NELL2: variants seen among roughly 807,000 people sequenced by gnomAD.
The protein encoded by NELL2 is protein kinase C-binding protein NELL2.
NELL2 carries 41 observed loss-of-function variants against 109.6 expected under a neutral mutation model. The observed-to-expected ratio is 0.37, with a 90% CI of 0.29 to 0.49. NELL2 has a LOEUF of 0.49. NELL2 is among the 20% of genes least tolerant of loss of function. The pLI is 0.98. For missense variants in NELL2, 900 were observed against 1,008.3 expected (o/e 0.89, Z 1.45); for synonymous variants, 355 against 344.7 (o/e 1.03, Z -0.33).
At chr12:44,543,895 T>A (rs1218761831) in intron 15 of NELL2, among the ~76,000 whole-genome samples, 1 of 152,138 alleles carries the variant, frequency 6.6e-6, no homozygotes, top group East Asian at 1.9e-4. Context: ...CTTATTCCTA[T>A]AATAAGGAAT....
intron 2 of NELL2, among the ~76,000 whole-genome samples, chr12:44,823,961 T>A (rs930451374): frequency 4.6e-5 from 7 of 152,234 alleles, no homozygotes; most frequent in African/African-American, 1.7e-4. Flanking sequence ...CTCAATTTTT[T>A]AAATTTGCAT....
At chr12:44,792,818 T>C (rs1020884583) in intron 3 of NELL2, among the ~76,000 whole-genome samples, 5 of 152,312 alleles carry the variant, frequency 3.3e-5, no homozygotes, top group African/African-American at 1.2e-4. Context: ...GGCAGCTTGG[T>C]GAAACTACCA....
At chr12:44,542,991 A>T (rs914383359) in intron 15 of NELL2, among the ~76,000 whole-genome samples, 4 of 152,160 alleles carry the variant, frequency 2.6e-5, no homozygotes, top group African/African-American at 9.6e-5. Context: ...CACCTCCAGA[A>T]CTGTGAGATA....
upstream of NELL2, among the ~76,000 whole-genome samples, chr12:44,919,103 C>T (rs1047230601): frequency 6.6e-6 from 1 of 152,178 alleles, no homozygotes; most frequent in Admixed American, 6.5e-5. Context: ...AAAATAAATA[C>T]TTTGTCTAAG....
At chr12:44,792,791 C>A (rs1942482095) in intron 3 of NELL2, among the ~76,000 whole-genome samples, 1 of 152,098 alleles carries the variant, frequency 6.6e-6, no homozygotes, top group Non-Finnish European at 1.5e-5. Flanking sequence ...CATAAATTGA[C>A]AAGAGCTTTT....
At chr12:44,578,266 A>G (rs1381627774) in intron 15 of NELL2, among the ~76,000 whole-genome samples, 2 of 152,156 alleles carry the variant, frequency 1.3e-5, no homozygotes, top group Non-Finnish European at 2.9e-5. Context: ...TAAGATCTTT[A>G]AAATACAGGA....
At chr12:44,620,338 G>C (rs954349738) in intron 13 of NELL2, among the ~76,000 whole-genome samples, 4 of 151,956 alleles carry the variant, frequency 2.6e-5, no homozygotes, top group African/African-American at 9.7e-5. Context: ...AAAATGACTG[G>C]CACAAAATTG....
At chr12:44,713,980 A>G (rs1461221529) in intron 10 of NELL2, among the ~76,000 whole-genome samples, 1 of 151,978 alleles carries the variant, frequency 6.6e-6, no homozygotes. Flanking sequence ...TTATATATAG[A>G]CAGTTTCCTT....
chr12:44,650,706 G>A (rs955388055), intron 13 of NELL2, among the ~76,000 whole-genome samples: 1 of 152,128 alleles, frequency 6.6e-6, no homozygotes, highest in Admixed American at 6.5e-5. Context: ...GGGCGCTGAT[G>A]CAATAGGTTA....
chr12:44,522,743 A>G (rs1159128120), intron 17 of NELL2: 1 of 154,056 alleles, frequency 6.5e-6, no homozygotes, highest in Non-Finnish European at 1.4e-5. Flanking sequence ...CTAAAACTGA[A>G]ATATACACCA....
At position 44,806,342 on chromosome 12, in the gene NELL2, T is replaced by C. The variant is rs79924797; in HGVS notation, c.335+9644A>G. Among the ~76,000 whole-genome samples, 52 of 151,944 alleles carry C rather than the reference T, an allele frequency of 3.4e-4. 1 individual carries two copies. The East Asian group carries it at 9.1e-3, about 26-fold the overall frequency. Reference sequence around the variant, plus strand: ...TCTGAATGGGCAAACTTTTTAATCATTGTTGAAGAAAGTAGTTAAGTAGGC... The same window carrying C: ...TCTGAATGGGCAAACTTTTTAATCACTGTTGAAGAAAGTAGTTAAGTAGGC... On this transcript the variant is annotated intron_variant, in intron 3 of 19. Coordinates refer to ENST00000429094, the MANE Select transcript of NELL2 (RefSeq NM_001145108.2).
chr12:44,751,152 A>G (rs1167540633), intron 9 of NELL2, among the ~76,000 whole-genome samples: 1 of 152,174 alleles, frequency 6.6e-6, no homozygotes. Context: ...TTAAGGGATG[A>G]GAGACAGGGT....
At chr12:44,547,033 T>C (rs1592099445) in intron 15 of NELL2, among the ~76,000 whole-genome samples, 1 of 152,162 alleles carries the variant, frequency 6.6e-6, no homozygotes, top group South Asian at 2.1e-4. Context: ...AAGATTTATA[T>C]GGTGATAGGA....
chr12:44,538,792 T>TC (rs1942410114), intron 15 of NELL2, among the ~76,000 whole-genome samples: 1 of 152,144 alleles, frequency 6.6e-6, no homozygotes, highest in Non-Finnish European at 1.5e-5. Flanking sequence ...TCCCCTGTGT[T>TC]GATGTCAGGT....
intron 9 of NELL2, among the ~76,000 whole-genome samples, chr12:44,773,515 C>G (rs1474578056): frequency 6.6e-6 from 1 of 151,974 alleles, no homozygotes; most frequent in East Asian, 1.9e-4. Context: ...AAGTATGATT[C>G]CTTGCTATTG....
chr12:44,660,731 A>G (rs1026120588), intron 13 of NELL2, among the ~76,000 whole-genome samples: 1 of 152,180 alleles, frequency 6.6e-6, no homozygotes, highest in Non-Finnish European at 1.5e-5. Flanking sequence ...TCAACACAAA[A>G]GAAGAATCAG....
intron 9 of NELL2, among the ~76,000 whole-genome samples, chr12:44,723,281 GC>G (rs111855106): frequency 0.021 from 3,170 of 152,094 alleles, 103 homozygotes; most frequent in African/African-American, 0.07. Flanking sequence ...TTTTAGAGCT[GC>G]CCAGGTAGAG....
At position 44,614,298 on chromosome 12, in the gene NELL2, A is replaced by G. The variant is rs559712614; in HGVS notation, c.1445-3328T>C. Among the ~76,000 whole-genome samples the G allele has an allele frequency of 3.3e-5, 5 of 152,158 alleles. No homozygotes were observed. The South Asian group carries it at 8.3e-4, about 25-fold the overall frequency. On this transcript the variant is annotated intron_variant, in intron 13 of 19. Transcript: ENST00000429094. Reference sequence around the variant, plus strand: ...ATTTAATTATTCGTTGTGTCTATGAATTTGAAATTTAAATGAAATGAAAAA... The same window carrying G: ...ATTTAATTATTCGTTGTGTCTATGAGTTTGAAATTTAAATGAAATGAAAAA...
At chr12:44,561,574 T>C (rs542474416) in intron 15 of NELL2, among the ~76,000 whole-genome samples, 2 of 152,192 alleles carry the variant, frequency 1.3e-5, no homozygotes, top group African/African-American at 2.4e-5. Flanking sequence ...TAACAATTGC[T>C]ACAAAGAGAA....
Sources: gnomAD v4.1 joint callset for allele counts (sites outside exome capture counted in the v4.1 genomes callset) on GRCh38, gnomAD v4.1.1 for gene constraint, MANE v1.5 for transcripts, NCBI Gene and HGNC (gene_info 2026-07-23, HGNC 2026-07-21) for gene names.